Variants in CREB1 observed in about 807,000 individuals in gnomAD.
CREB1 encodes cAMP responsive element binding protein 1, also known as cyclic AMP-responsive element-binding protein 1.
Under a neutral mutation model 42.0 loss-of-function variants are expected in CREB1, and 2 were observed. The ratio of observed to expected loss-of-function variants is 0.05; its 90% CI spans 0.02 to 0.15. The LOEUF (loss-of-function observed/expected upper bound fraction) is 0.15, where lower values mean the gene tolerates loss of function less well. Ranked by LOEUF, CREB1 falls within the 10% of genes least tolerant of loss-of-function variation. The probability of loss-of-function intolerance (pLI) is 1.00; values close to 1 mark genes in which losing one functional copy is unlikely to be tolerated. For synonymous variants in CREB1, 123 were observed against 139.9 expected (o/e 0.88, Z 0.85); for missense variants, 199 against 388.9 (o/e 0.51, Z 4.11).
rs555616595 is a variant in CREB1 at position 207,595,088 on chromosome 2, C to T, written c.840-1826C>T. Reference sequence around the variant, plus strand: ...TCGGCTTACTGCAACCTCTGCCTCCCGGGTTTAAGTGATTCTCCTGCCTCA... The same window carrying T: ...TCGGCTTACTGCAACCTCTGCCTCCTGGGTTTAAGTGATTCTCCTGCCTCA... On this transcript the variant is annotated intron_variant, in intron 7 of 7. Transcript: ENST00000353267. 9.3e-5 allele frequency among the ~76,000 whole-genome samples: 14 copies of T among 150,860 alleles called. No individual in the cohort carries two copies. The South Asian group carries it at 2.5e-3, about 27-fold the overall frequency.
intron 7 of CREB1, among the ~76,000 whole-genome samples, chr2:207,591,665 TCAA>T (rs2085061373): frequency 1.3e-5 from 2 of 152,186 alleles, no homozygotes; most frequent in Non-Finnish European, 2.9e-5. Context: ...ACTCCTGACC[TCAA>T]GTTATCCGCT....
chr2:207,556,255 T>A (rs1320857369), intron 2 of CREB1, among the ~76,000 whole-genome samples: 1 of 152,232 alleles, frequency 6.6e-6, no homozygotes, highest in Non-Finnish European at 1.5e-5. Context: ...TTTCATTTCA[T>A]CTTTCTCTTT....
In CREB1 at chr2:207,605,631, T is replaced by C. The variant is rs1488305663; in HGVS notation, c.*8573T>C. The stretch of plus-strand genomic sequence containing the variant: ...CACAAATATAATGTATGTTCTCTCC[T>C]CCTCCCTCTCCCTTTTTTTACACAA... On this transcript the variant is annotated 3_prime_UTR_variant, in exon 8 of 8. Transcript: ENST00000353267. Among the ~76,000 whole-genome samples the C allele has an allele frequency of 6.6e-6, 1 of 152,202 alleles. No homozygotes were observed. The highest frequency in any genetic ancestry group is 2.1e-4 in the South Asian group (1 of 4,830).
chr2:207,548,314 AATTT>A (rs944586581), intron 1 of CREB1, among the ~76,000 whole-genome samples: 2 of 152,300 alleles, frequency 1.3e-5, no homozygotes, highest in African/African-American at 2.4e-5. Flanking sequence ...TTTAAAAACA[AATTT>A]ATTTATCAAG....
chr2:207,532,415 C>T (rs2080681248), intron 1 of CREB1, among the ~76,000 whole-genome samples: 1 of 151,890 alleles, frequency 6.6e-6, no homozygotes. Context: ...TGGCTCACAT[C>T]TGTAATCCCA....
chr2:207,581,957 A>C, intron 7 of CREB1: 1 of 702,490 alleles, frequency 1.4e-6, no homozygotes, highest in South Asian at 1.5e-5. Flanking sequence ...CTATGGATAG[A>C]TTGAGATAAT....
chr2:207,594,428 C>A (rs1251808850), intron 7 of CREB1, among the ~76,000 whole-genome samples: 1 of 152,136 alleles, frequency 6.6e-6, no homozygotes, highest in African/African-American at 2.4e-5. Context: ...AGTCCTGTTT[C>A]TATGAATTTG....
At position 207,560,234 on chromosome 2, in the gene CREB1, G is replaced by T; in HGVS notation, c.123G>T (p.Met41Ile). Residue 41 changes from methionine to isoleucine, a missense_variant, in exon 3 of 8, where the codon ATG becomes ATT. By Grantham distance (10) the Met-to-Ile change is conservative (BLOSUM62 1). Around this residue, in one of 4 missense-constraint regions of CREB1, gnomAD observed 53 missense variants for 57.1 expected, o/e 0.93. Coordinates refer to ENST00000353267, the MANE Select transcript of CREB1 (RefSeq NM_004379.5). ...TGTGTTCAACACCATAGGTATCTATGCCAGCAGCTCATGCAACATCATCTG... is the reference window on the plus strand; with the variant it reads ...TGTGTTCAACACCATAGGTATCTATTCCAGCAGCTCATGCAACATCATCTG... ...PQIATLAQVSMPAAHATSSAP... is the reference protein window; with the variant it reads ...PQIATLAQVSIPAAHATSSAP... 1 of 1,608,248 alleles carries T rather than the reference G, an allele frequency of 6.2e-7. No individual in the cohort carries two copies. The highest frequency in any genetic ancestry group is 8.5e-7 in the Non-Finnish European group (1 of 1,175,690).
At chr2:207,535,618 A>G (rs1375026187) in intron 1 of CREB1, among the ~76,000 whole-genome samples, 2 of 152,082 alleles carry the variant, frequency 1.3e-5, no homozygotes, top group Admixed American at 6.5e-5. Flanking sequence ...AGATTCACCT[A>G]TATGATTGCT....
At chr2:207,532,011 C>T (rs1315967336) in intron 1 of CREB1, among the ~76,000 whole-genome samples, 2 of 152,096 alleles carry the variant, frequency 1.3e-5, no homozygotes, top group Admixed American at 6.5e-5. Flanking sequence ...TACCATTTTT[C>T]CTTTATGTTG....
intron 1 of CREB1, among the ~76,000 whole-genome samples, chr2:207,536,755 CGAGGCG>C (rs1440077689): frequency 1.3e-5 from 2 of 150,330 alleles, no homozygotes; most frequent in African/African-American, 4.9e-5. Context: ...TTTGGGAGGT[CGAGGCG>C]GGCGGATCAC....
chr2:207,550,093 G>A (rs1292395591), intron 1 of CREB1, among the ~76,000 whole-genome samples: 3 of 152,118 alleles, frequency 2.0e-5, no homozygotes, highest in African/African-American at 7.2e-5. Flanking sequence ...GGTACTTATA[G>A]ATATATTTAT....
At chr2:207,534,461 G>A (rs2080784464) in intron 1 of CREB1, 1 of 152,070 alleles carries the variant, frequency 6.6e-6, no homozygotes, top group South Asian at 2.1e-4. Context: ...GGTCTTGAAT[G>A]CCTGGGATTA....
intron 1 of CREB1, among the ~76,000 whole-genome samples, chr2:207,530,862 C>A (rs920571417): frequency 6.6e-6 from 1 of 151,696 alleles, no homozygotes; most frequent in Non-Finnish European, 1.5e-5. Flanking sequence ...GCCCTTTCCC[C>A]CCCGCTCCTA....
chr2:207,545,858 C>T (rs763629225), intron 1 of CREB1, among the ~76,000 whole-genome samples: 3 of 151,738 alleles, frequency 2.0e-5, no homozygotes, highest in Non-Finnish European at 2.9e-5. Context: ...CTCAGCCTCC[C>T]GAGTAGCTGG....
chr2:207,539,816 A>G (rs891366062), intron 1 of CREB1, among the ~76,000 whole-genome samples: 1 of 152,176 alleles, frequency 6.6e-6, no homozygotes, highest in African/African-American at 2.4e-5. Flanking sequence ...GATAAAATGG[A>G]GTGTATTCTA....
intron 2 of CREB1, chr2:207,559,403 T>C (rs1310974649): frequency 4.1e-6 from 2 of 490,436 alleles, no homozygotes; most frequent in Admixed American, 6.4e-5. Flanking sequence ...CTGAATTGTA[T>C]TGTGTCTCTT....
chr2:207,540,679 A>AGTT (rs1311892819), intron 1 of CREB1, among the ~76,000 whole-genome samples: 4 of 148,474 alleles, frequency 2.7e-5, no homozygotes, highest in African/African-American at 9.9e-5. Flanking sequence ...TAAAAAAAAA[A>AGTT]AAAAAAAAAA....
chr2:207,551,845 C>T (rs2081516458), intron 1 of CREB1, among the ~76,000 whole-genome samples: 1 of 151,678 alleles, frequency 6.6e-6, no homozygotes, highest in African/African-American at 2.4e-5. Flanking sequence ...AGATCGAGAC[C>T]ATCCTGGCTG....
Sources: allele counts gnomAD v4.1 joint callset (sites outside exome capture counted in the v4.1 genomes callset), GRCh38; gene constraint gnomAD v4.1.1; regional missense constraint gnomAD v4.1.1; transcripts MANE v1.5; gene names NCBI Gene and HGNC (gene_info 2026-07-23, HGNC 2026-07-21).